PROSER2: variants seen among roughly 807,000 people sequenced by gnomAD.
The protein encoded by PROSER2 is proline and serine rich 2, also known as proline and serine-rich protein 2.
A neutral mutation model predicts 14.6 loss-of-function variants in PROSER2; 18 were observed. That is an observed-to-expected ratio of 1.23 (90% CI 0.85 to 1.83). The LOEUF (loss-of-function observed/expected upper bound fraction) is 1.83. PROSER2 is among the 40% of genes most tolerant of loss of function. The pLI is 0.00. For synonymous variants in PROSER2, 367 were observed against 286.4 expected (o/e 1.28, Z -2.84); for missense variants, 823 against 629.8 (o/e 1.31, Z -3.28).
At chr10:11,858,254 G>T (rs2131080186) in intron 2 of PROSER2, among the ~76,000 whole-genome samples, 1 of 152,256 alleles carries the variant, frequency 6.6e-6, no homozygotes, top group East Asian at 1.9e-4. Context: ...TTAGGTAGGG[G>T]TTACTTCAGT....
At chr10:11,861,500 T>C (rs150336611) in intron 2 of PROSER2, among the ~76,000 whole-genome samples, 230 of 152,208 alleles carry the variant, frequency 1.5e-3, no homozygotes, top group African/African-American at 4.4e-3. Flanking sequence ...CAGGGGATGC[T>C]GTGGGGGTGG....
chr10:11,850,382 C>G (rs965534553), intron 1 of PROSER2: 5 of 152,270 alleles, frequency 3.3e-5, no homozygotes, highest in Admixed American at 1.3e-4. Context: ...TGAGCTGCTC[C>G]GTATACCCGA....
Position 11,870,109 on chromosome 10 carries a change from G to A in PROSER2, c.1011G>A (p.Arg337=). ...TCCGGGCAGGGGGTCAGGCTCCGCG[G>A]GGCCCGGCGCTGGCCAACGGCTTCC... ...ESLRAGGQAP[R]GPALANGFPS... is the part of the protein sequence containing the mutation. The change falls in exon 4 of 4, where the codon CGG becomes CGA. Residue 337 remains arginine (R), a synonymous_variant. Coordinates refer to ENST00000277570, the MANE Select transcript of PROSER2 (RefSeq NM_153256.4). 1 of 1,327,316 alleles carries A rather than the reference G, an allele frequency of 7.5e-7. No homozygotes were observed. The highest frequency in any genetic ancestry group is 4.1e-5 in the Admixed American group (1 of 24,458). 82.2% of individuals were successfully genotyped at this position (1,327,316 alleles called of 1,614,324 possible).
At chr10:11,845,317 T>C (rs1833907357) in intron 1 of PROSER2, among the ~76,000 whole-genome samples, 1 of 152,168 alleles carries the variant, frequency 6.6e-6, no homozygotes, top group South Asian at 2.1e-4. Flanking sequence ...CCCCACAGCC[T>C]TTTAACTACG....
intron 1 of PROSER2, among the ~76,000 whole-genome samples, chr10:11,824,905 G>T (rs1160172631): frequency 6.6e-6 from 1 of 152,220 alleles, no homozygotes; most frequent in Non-Finnish European, 1.5e-5. Context: ...TTGAATCTGT[G>T]GTTGCCGGGG....
intron 1 of PROSER2, among the ~76,000 whole-genome samples, chr10:11,827,030 A>G (rs1833624980): frequency 6.6e-6 from 1 of 151,806 alleles, no homozygotes; most frequent in Non-Finnish European, 1.5e-5. Flanking sequence ...GACCACAGGC[A>G]CGTGCCACCA....
At chr10:11,843,880 T>G (rs1325051982) in intron 1 of PROSER2, among the ~76,000 whole-genome samples, 1 of 151,122 alleles carries the variant, frequency 6.6e-6, no homozygotes, top group Non-Finnish European at 1.5e-5. Context: ...ATAGTACATA[T>G]AGATTTAGGT....
At chr10:11,857,734 G>A (rs1333941641) in intron 2 of PROSER2, among the ~76,000 whole-genome samples, 6 of 95,112 alleles carry the variant, frequency 6.3e-5, no homozygotes, top group Admixed American at 1.5e-4. Context: ...AACAGATGGA[G>A]ACCCCATCTA....
rs940992357 is a variant in PROSER2 at position 11,846,253 on chromosome 10, C to T, written c.-81-5744C>T. On this transcript the variant is annotated intron_variant, in intron 1 of 3. Transcript: ENST00000277570. ...TCACCTGCCTCGGCCTCCCATAGTG[C>T]TGGGATTACAGGTGTGAGCCACCAT... 6.6e-5 allele frequency among the ~76,000 whole-genome samples: 10 copies of T among 152,132 alleles called. 1 individual carries two copies. Among genetic ancestry groups the T allele is most frequent in the African/African-American group, 2.4e-4 (10 of 41,408 alleles).
intron 1 of PROSER2, among the ~76,000 whole-genome samples, chr10:11,825,403 T>C (rs1833597424): frequency 6.6e-6 from 1 of 152,190 alleles, no homozygotes; most frequent in Non-Finnish European, 1.5e-5. Flanking sequence ...GCGTTTCACT[T>C]TCCTTTGCAC....
chr10:11,832,998 A>G (rs1001247945), intron 1 of PROSER2, among the ~76,000 whole-genome samples: 3 of 151,692 alleles, frequency 2.0e-5, no homozygotes, highest in African/African-American at 7.3e-5. Context: ...ACACGCCACC[A>G]TGCCCGGCTA....
At chr10:11,844,452 C>G (rs1485120023) in intron 1 of PROSER2, among the ~76,000 whole-genome samples, 1 of 152,182 alleles carries the variant, frequency 6.6e-6, no homozygotes, top group Admixed American at 6.5e-5. Context: ...ACTTGTATAT[C>G]CTTCCAAAGT....
chr10:11,857,629 C>T (rs1263278500), intron 2 of PROSER2, among the ~76,000 whole-genome samples: 1 of 151,578 alleles, frequency 6.6e-6, no homozygotes, highest in African/African-American at 2.4e-5. Context: ...CCTGTAATCC[C>T]AGCTGCTCCG....
intron 1 of PROSER2, among the ~76,000 whole-genome samples, chr10:11,845,141 A>G (rs1046374775): frequency 5.9e-5 from 9 of 152,164 alleles, no homozygotes; most frequent in Non-Finnish European, 1.0e-4. Context: ...CCTAATACAT[A>G]TGTCCCTGTG....
Position 11,870,181 on chromosome 10 carries a change from C to A in PROSER2, c.1083C>A (p.Pro361=), listed in dbSNP as rs1474318582. The stretch of plus-strand genomic sequence containing the variant: ...AGAGCGCACCCAGCTCCTTCGCGCC[C>A]GCTGGGAAGTCCCTCTGCTTCCGCC... ...ALKSAPSSFA[P]AGKSLCFRPG... The change falls in exon 4 of 4, where the codon CCC becomes CCA. Residue 361 remains proline (P), a synonymous_variant. Coordinates refer to ENST00000277570, the MANE Select transcript of PROSER2 (RefSeq NM_153256.4). 6.7e-7 allele frequency: 1 copy of A among 1,485,420 alleles called. No homozygotes were observed. Among genetic ancestry groups the A allele is most frequent in the Non-Finnish European group, 8.9e-7 (1 of 1,124,898 alleles). The allele number at this position is 1,485,420 out of a possible 1,614,324, so 92.0% of individuals were successfully genotyped here.
Position 11,870,130 on chromosome 10 carries a change from C to T in PROSER2, c.1032C>T (p.Gly344=), listed in dbSNP as rs1336271564. ...QAPRGPALAN[G]FPSAHEALKS... ...CGCGGGGCCCGGCGCTGGCCAACGG[C>T]TTCCCAAGTGCGCACGAGGCCCTGA... Residue 344 remains glycine (G), a synonymous_variant, in exon 4 of 4, where the codon GGC becomes GGT. Transcript: ENST00000277570. 98 of 1,382,640 alleles carry T rather than the reference C, an allele frequency of 7.1e-5. No individual in the cohort carries two copies. The highest frequency in any genetic ancestry group is 8.7e-5 in the Non-Finnish European group (93 of 1,074,124). 85.6% of individuals were successfully genotyped at this position (1,382,640 alleles called of 1,614,324 possible). A position where few individuals can be genotyped will look rare whatever the true frequency, so the allele number is the denominator to read the frequency against.
rs78479317 is a variant in PROSER2 at position 11,845,597 on chromosome 10, G to A, written c.-81-6400G>A. On this transcript the variant is annotated intron_variant, in intron 1 of 3. Transcript: ENST00000277570. ...TAGGGAAAGCAACAGAGGATGGTTC[G>A]GTACCTAGAGGACAGCAACACTCGG... 9.3e-3 allele frequency among the ~76,000 whole-genome samples: 1,411 copies of A among 152,122 alleles called. 15 individuals are homozygous for A. The highest frequency in any genetic ancestry group is 0.029 in the African/African-American group (1,217 of 41,484).
Position 11,865,198 on chromosome 10 carries a change from TC to T in PROSER2, c.139-1331del, listed in dbSNP as rs1477339849. Among the ~76,000 whole-genome samples the T allele has an allele frequency of 6.6e-6, 1 of 152,178 alleles. No homozygotes were observed. Among genetic ancestry groups the T allele is most frequent in the Non-Finnish European group, 1.5e-5 (1 of 68,030 alleles). Reference sequence around the variant, plus strand: ...CCAGATCCATCCTTTGATTTTCTTATCCTTTTTTTTCATAGTTTTCTGATTT... The same window carrying T: ...CCAGATCCATCCTTTGATTTTCTTATCTTTTTTTTCATAGTTTTCTGATTT... On this transcript the variant is annotated intron_variant, in intron 2 of 3. Transcript: ENST00000277570. The surrounding 1 kb of genome is among the most constrained non-coding windows in gnomAD (Gnocchi z 4.2).
chr10:11,856,298 C>T lies in PROSER2; in HGVS notation c.138+4083C>T, dbSNP rs560704404. On this transcript the variant is annotated intron_variant, in intron 2 of 3. Transcript: ENST00000277570. This position sits in a 1 kb window ranked among gnomAD's most constrained non-coding sequence, Gnocchi z 5.3. Reference sequence around the variant, plus strand: ...AGGCCTGTGTCTCCAGGGCTCACCTCGTCTCACAAAACCCCCTGGGTGCAC... The same window carrying T: ...AGGCCTGTGTCTCCAGGGCTCACCTTGTCTCACAAAACCCCCTGGGTGCAC... Among the ~76,000 whole-genome samples, 21 of 152,320 alleles carry T rather than the reference C, an allele frequency of 1.4e-4. No individual in the cohort carries two copies. Among genetic ancestry groups the T allele is most frequent in the African/African-American group, 4.8e-4 (20 of 41,568 alleles).
Sources: gnomAD v4.1 joint callset for allele counts (sites outside exome capture counted in the v4.1 genomes callset) on GRCh38, gnomAD v4.1.1 for gene constraint, Gnocchi (gnomAD v3.1) non-coding constraint, MANE v1.5 for transcripts, NCBI Gene and HGNC (gene_info 2026-07-23, HGNC 2026-07-21) for gene names.